Variants in INPP5A observed in about 807,000 individuals in gnomAD.
INPP5A encodes the protein inositol polyphosphate-5-phosphatase A.
In INPP5A, 14 loss-of-function variants were observed where a neutral mutation model predicts 65.2. The observed-to-expected ratio is 0.21, with a 90% confidence interval of 0.14 to 0.34. The LOEUF is 0.34. Among genes scored for constraint, INPP5A ranks in the 10% least tolerant of loss-of-function variants. The pLI is 1.00. For synonymous variants in INPP5A, 207 were observed against 208.3 expected, an observed-to-expected ratio of 0.99 and a Z score of 0.05; for missense variants, 431 against 545.6, an observed-to-expected ratio of 0.79 and a Z score of 2.09.
intron 9 of INPP5A, among the ~76,000 whole-genome samples, chr10:132,728,574 A>C (rs1448755171): frequency 6.6e-6 from 1 of 152,138 alleles, no homozygotes; most frequent in East Asian, 1.9e-4. Flanking sequence ...CTCATTTCTA[A>C]CCTGTTACTC....
intron 7 of INPP5A, among the ~76,000 whole-genome samples, chr10:132,709,670 G>A (rs746050945): frequency 2.6e-4 from 40 of 152,308 alleles, no homozygotes; most frequent in Non-Finnish European, 4.4e-4. Context: ...GTAGGGAGAC[G>A]GCCAGGTCTT....
rs376877907 is a variant in INPP5A at position 132,710,229 on chromosome 10, G to A, written c.528-108G>A. 3.0e-5 allele frequency: 41 copies of A among 1,348,802 alleles called. No homozygotes were observed. The South Asian group carries it at 5.0e-4, about 16-fold the overall frequency. The allele number at this position is 1,348,802 out of a possible 1,614,324, so 83.6% of individuals were successfully genotyped here. On this transcript the variant is annotated intron_variant, in intron 7 of 15. Transcript: ENST00000368594. ...TGCCCCGCCTCGGGTGGCTCCGCAC[G>A]GCGGAGGCCAGTGCAGGTCTTATCT...
intron 9 of INPP5A, among the ~76,000 whole-genome samples, chr10:132,739,017 T>C (rs1273027717): frequency 6.6e-6 from 1 of 152,150 alleles, no homozygotes; most frequent in Non-Finnish European, 1.5e-5. Flanking sequence ...CCAGAAGGGC[T>C]TTCTCTTGGG....
chr10:132,753,223 G>T lies in INPP5A; in HGVS notation c.903+3378G>T, dbSNP rs1036492085. Among the ~76,000 whole-genome samples the T allele has an allele frequency of 3.3e-5, 5 of 152,130 alleles. No individual in the cohort carries two copies. Among genetic ancestry groups the T allele is most frequent in the African/African-American group, 1.2e-4 (5 of 41,432 alleles). ...CAGTTGTGCCCAGAAATTGGCAGTTGTCCCCATCGACGGAGGGTCAAGGTG... is the reference window on the plus strand; with the variant it reads ...CAGTTGTGCCCAGAAATTGGCAGTTTTCCCCATCGACGGAGGGTCAAGGTG... On this transcript the variant is annotated intron_variant, in intron 11 of 15. Transcript: ENST00000368594. The surrounding 1 kb of genome is among the most constrained non-coding windows in gnomAD (Gnocchi z 5.3).
intron 9 of INPP5A, among the ~76,000 whole-genome samples, chr10:132,747,941 T>C (rs1396220961): frequency 6.6e-6 from 1 of 152,124 alleles, no homozygotes; most frequent in Non-Finnish European, 1.5e-5. Flanking sequence ...TCCCAGCTAC[T>C]CGAGGGGCTG....
At chr10:132,738,549 T>C (rs1445657776) in intron 9 of INPP5A, among the ~76,000 whole-genome samples, 1 of 152,076 alleles carries the variant, frequency 6.6e-6, no homozygotes, top group African/African-American at 2.4e-5. Flanking sequence ...CAGCAGAGGG[T>C]GCCCGGCATG....
At position 132,700,726 on chromosome 10, in the gene INPP5A, T is replaced by A. The variant is rs117483682; in HGVS notation, c.474+2807T>A. ...TTGGAGGAAGGAACTAGTTTCAGAC[T>A]GATTTCTCTTTCTTTTATTACCATC... On this transcript the variant is annotated intron_variant, in intron 6 of 15. Transcript: ENST00000368594. Among the ~76,000 whole-genome samples the A allele has an allele frequency of 2.3e-3, 345 of 152,368 alleles. 3 individuals carry two copies. In the East Asian group the frequency reaches 0.045, roughly 20 times the overall value.
chr10:132,716,010 C>T (rs1845733300), intron 8 of INPP5A, among the ~76,000 whole-genome samples: 1 of 152,248 alleles, frequency 6.6e-6, no homozygotes, highest in Non-Finnish European at 1.5e-5. Context: ...CGTGGTCGGT[C>T]CACTGCTGCC....
intron 4 of INPP5A, among the ~76,000 whole-genome samples, chr10:132,653,027 C>T (rs2072598943): frequency 6.6e-6 from 1 of 152,140 alleles, no homozygotes; most frequent in Non-Finnish European, 1.5e-5. Flanking sequence ...GCCACCCGCA[C>T]CCTTGGCATC....
intron 1 of INPP5A, among the ~76,000 whole-genome samples, chr10:132,607,493 G>A (rs12359407): frequency 6.6e-6 from 1 of 152,220 alleles, no homozygotes; most frequent in African/African-American, 2.4e-5. Flanking sequence ...GCTTTGTCTA[G>A]TGCCTGTGAA....
chr10:132,760,248 G>A (rs1565005087), intron 11 of INPP5A, among the ~76,000 whole-genome samples: 1 of 152,188 alleles, frequency 6.6e-6, no homozygotes, highest in Non-Finnish European at 1.5e-5. Flanking sequence ...GGGCCTGGCT[G>A]CAGCCCAGAC....
At chr10:132,717,062 C>G (rs1172140707) in intron 8 of INPP5A, among the ~76,000 whole-genome samples, 1 of 152,242 alleles carries the variant, frequency 6.6e-6, no homozygotes, top group African/African-American at 2.4e-5. Flanking sequence ...CAACACAACT[C>G]TGTGGCGGGG....
At chr10:132,728,342 C>G (rs549606769) in intron 9 of INPP5A, among the ~76,000 whole-genome samples, 73 of 152,368 alleles carry the variant, frequency 4.8e-4, no homozygotes, top group African/African-American at 1.6e-3. Context: ...ATGGATCGGT[C>G]TCTGGCCTGC....
Position 132,546,988 on chromosome 10 carries a change from C to T in INPP5A, c.75+8817C>T, listed in dbSNP as rs1368975899. Among the ~76,000 whole-genome samples, 2 of 152,210 alleles carry T rather than the reference C, an allele frequency of 1.3e-5. No individual in the cohort carries two copies. The highest frequency in any genetic ancestry group is 2.9e-5 in the Non-Finnish European group (2 of 68,022). On this transcript the variant is annotated intron_variant, in intron 1 of 15. Coordinates refer to ENST00000368594, the MANE Select transcript of INPP5A (RefSeq NM_005539.5). The surrounding 1 kb of genome is among the most constrained non-coding windows in gnomAD (Gnocchi z 5.7). ...ACAGCCTTCCTTTCTGCGTCCTCCC[C>T]TCTCGGGGTCCCGCATGACTGGTCC...
chr10:132,743,523 G>A (rs1283923913), intron 9 of INPP5A, among the ~76,000 whole-genome samples: 1 of 152,264 alleles, frequency 6.6e-6, no homozygotes, highest in Non-Finnish European at 1.5e-5. Flanking sequence ...CCCTGGGGCT[G>A]TGGGCTCTGC....
At position 132,772,576 on chromosome 10, in the gene INPP5A, G is replaced by A. The variant is rs113491575; in HGVS notation, c.978-5095G>A. Among the ~76,000 whole-genome samples the A allele has an allele frequency of 6.5e-3, 325 of 50,046 alleles. 1 individual carries two copies. The highest frequency in any genetic ancestry group is 0.014 in the African/African-American group (175 of 12,270). The allele number at this position is 50,046 out of a possible 152,430, so 32.8% of individuals were successfully genotyped here. A position where few individuals can be genotyped will look rare whatever the true frequency, so the allele number is the denominator to read the frequency against. ...AGAGGCCACGGCAGCCACCCCACGA[G>A]GAGTGGGACAGACACTCAGCACTGA... On this transcript the variant is annotated intron_variant, in intron 12 of 15. Coordinates refer to ENST00000368594, the MANE Select transcript of INPP5A (RefSeq NM_005539.5).
chr10:132,666,572 T>G (rs2072807171), intron 4 of INPP5A, among the ~76,000 whole-genome samples: 1 of 152,234 alleles, frequency 6.6e-6, no homozygotes, highest in Admixed American at 6.5e-5. Flanking sequence ...GGCTGCCGAC[T>G]TTGCAGTGGG....
intron 1 of INPP5A, among the ~76,000 whole-genome samples, chr10:132,541,839 G>C (rs1490353196): frequency 1.3e-5 from 2 of 152,232 alleles, no homozygotes; most frequent in African/African-American, 4.8e-5. Flanking sequence ...CTCTGGCCAG[G>C]TGGCTGGGGT....
intron 1 of INPP5A, among the ~76,000 whole-genome samples, chr10:132,586,528 G>A (rs1009190422): frequency 2.0e-5 from 3 of 152,242 alleles, no homozygotes; most frequent in African/African-American, 7.2e-5. Context: ...AGTGTCTGGT[G>A]CTGCGGAACA....
Sources: allele counts gnomAD v4.1 joint callset (sites outside exome capture counted in the v4.1 genomes callset), GRCh38; gene constraint gnomAD v4.1.1; non-coding constraint Gnocchi (gnomAD v3.1); transcripts MANE v1.5; gene names NCBI Gene and HGNC (gene_info 2026-07-23, HGNC 2026-07-21).